Variants in FREM2 observed in about 807,000 individuals in gnomAD.
The protein encoded by FREM2 is FRAS1-related extracellular matrix protein 2.
A neutral mutation model predicts 219.9 loss-of-function variants in FREM2; 119 were observed. The ratio of observed to expected loss-of-function variants is 0.54; its 90% CI spans 0.47 to 0.63. The LOEUF is 0.63. Among genes scored for constraint, FREM2 ranks in the 30% least tolerant of loss-of-function variants. The pLI, the probability that FREM2 is intolerant of heterozygous loss-of-function variation, is 0.00. For synonymous variants in FREM2, 1,562 were observed against 1,522.8 expected, an observed-to-expected ratio of 1.03 and a Z score of -0.60; for missense variants, 4,030 against 3,993.6, an observed-to-expected ratio of 1.01 and a Z score of -0.25.
intron 2 of FREM2, among the ~76,000 whole-genome samples, chr13:38,718,059 CATATG>C (rs1399772897): frequency 6.6e-6 from 1 of 152,060 alleles, no homozygotes; most frequent in African/African-American, 2.4e-5. Flanking sequence ...TGTCTTTTTT[CATATG>C]ATATGTGTTA....
At chr13:38,729,586 CT>C (rs1334903879) in intron 2 of FREM2, among the ~76,000 whole-genome samples, 4 of 152,050 alleles carry the variant, frequency 2.6e-5, no homozygotes, top group African/African-American at 4.8e-5. Context: ...TCTCATTCAA[CT>C]TTTTTTTAAC....
intron 3 of FREM2, among the ~76,000 whole-genome samples, chr13:38,768,482 T>G (rs1873529310): frequency 6.6e-6 from 1 of 151,838 alleles, no homozygotes; most frequent in Admixed American, 6.6e-5. Context: ...TCACCATGTT[T>G]CCCAGGATGG....
Position 38,864,607 on chromosome 13 carries a change from G to A in FREM2, c.7983+1G>A, listed in dbSNP as rs1233726325. ...TGGCACCATTGGAACAGATGGACAG[G>A]TACAGATTTATAACATCTGAGTTTG... is the stretch of plus-strand genomic sequence containing the variant. On this transcript the variant is annotated splice_donor_variant, in intron 16 of 23. Transcript: ENST00000280481. LOFTEE classifies it high-confidence loss of function. 3.7e-6 allele frequency: 6 copies of A among 1,613,182 alleles called. No homozygotes were observed. The highest frequency in any genetic ancestry group is 5.1e-6 in the Non-Finnish European group (6 of 1,179,118).
chr13:38,726,471 C>G (rs948653947), intron 2 of FREM2, among the ~76,000 whole-genome samples: 1 of 151,992 alleles, frequency 6.6e-6, no homozygotes, highest in South Asian at 2.1e-4. Flanking sequence ...GCTGCAGATG[C>G]CAGAGCATCA....
intron 2 of FREM2, among the ~76,000 whole-genome samples, chr13:38,750,533 A>T (rs2442351): frequency 0.016 from 2,447 of 152,288 alleles, 58 homozygotes; most frequent in African/African-American, 0.056. Flanking sequence ...TCCATTGATG[A>T]ATACTTAAAT....
rs1391514648 is a variant in FREM2 at position 38,690,507 on chromosome 13, A to G, written c.3163A>G (p.Ile1055Val). 4 of 1,614,116 alleles carry G rather than the reference A, an allele frequency of 2.5e-6. No individual in the cohort carries two copies. The highest frequency in any genetic ancestry group is 1.3e-5 in the African/African-American group (1 of 74,954). Residue 1055 changes from isoleucine (I) to valine (V), a missense_variant, in exon 1 of 24, where the codon ATA (isoleucine) becomes GTA (valine). Around this residue, in one of 2 missense-constraint regions of FREM2, gnomAD observed 3,102 missense variants for 2,950.7 expected, o/e 1.05. Coordinates refer to ENST00000280481, the MANE Select transcript of FREM2 (RefSeq NM_207361.6). ...IGGNTIQGVT[I>V]WVTILPVDSQ... The stretch of plus-strand genomic sequence containing the variant: ...TGGCAATACTATCCAAGGAGTTACT[A>G]TATGGGTGACCATCCTGCCTGTTGA...
intron 2 of FREM2, among the ~76,000 whole-genome samples, chr13:38,700,086 A>G (rs1223619522): frequency 6.6e-6 from 1 of 152,154 alleles, no homozygotes; most frequent in Non-Finnish European, 1.5e-5. Flanking sequence ...ATTTTATAAC[A>G]GTAACTATCT....
intron 6 of FREM2, 142 bp from the exon 7 acceptor site, chr13:38,846,431 T>A: frequency 1.3e-6 from 1 of 759,872 alleles, no homozygotes; most frequent in East Asian, 2.7e-5. Context: ...ATTAAAGAGA[T>A]GTTATCTCAC....
intron 2 of FREM2, among the ~76,000 whole-genome samples, chr13:38,703,936 C>G (rs1870439135): frequency 6.6e-6 from 1 of 152,144 alleles, no homozygotes; most frequent in Non-Finnish European, 1.5e-5. Flanking sequence ...GTACCATAAT[C>G]TCAAATCAAA....
chr13:38,820,529 A>C (rs1408534945), intron 6 of FREM2, among the ~76,000 whole-genome samples: 2 of 152,150 alleles, frequency 1.3e-5, no homozygotes, highest in African/African-American at 4.8e-5. Context: ...CTTCTCAGAT[A>C]CTAGACTTCA....
chr13:38,844,109 C>G (rs9548490), intron 6 of FREM2, among the ~76,000 whole-genome samples: 1 of 152,066 alleles, frequency 6.6e-6, no homozygotes, highest in Non-Finnish European at 1.5e-5. Flanking sequence ...ATTAGCACTG[C>G]ATTAAAGTTG....
intron 4 of FREM2, among the ~76,000 whole-genome samples, chr13:38,782,222 G>A (rs1412413714): frequency 6.6e-6 from 1 of 152,196 alleles, no homozygotes; most frequent in Non-Finnish European, 1.5e-5. Context: ...GTGGGTGTGA[G>A]ACTGTCTGTG....
chr13:38,689,662 A>G lies in FREM2; in HGVS notation c.2318A>G (p.His773Arg), dbSNP rs1411884896. The change falls in exon 1 of 24, where the codon CAT (histidine) becomes CGT (arginine). Residue 773 changes from histidine to arginine, a missense_variant. By Grantham distance (29) the His-to-Arg change is conservative (BLOSUM62 0). Around this residue, in one of 2 missense-constraint regions of FREM2, gnomAD observed 3,102 missense variants for 2,950.7 expected, o/e 1.05. Transcript: ENST00000280481. ...LTDNPSVVVT[H>R]FTQAQINHHK... ...GACAACCCCTCAGTCGTGGTGACCC[A>G]TTTTACCCAAGCCCAGATCAACCAT... The G allele has an allele frequency of 3.1e-6, 5 of 1,613,828 alleles. No individual in the cohort carries two copies. In the African/African-American group the frequency reaches 6.7e-5, roughly 22 times the overall value.
intron 2 of FREM2, among the ~76,000 whole-genome samples, chr13:38,724,984 A>G (rs1871456415): frequency 6.6e-6 from 1 of 152,250 alleles, no homozygotes; most frequent in African/African-American, 2.4e-5. Flanking sequence ...GAAAAAGGAA[A>G]TATGTCCTGG....
At chr13:38,853,601 AC>A (rs1877455412) in intron 11 of FREM2, among the ~76,000 whole-genome samples, 1 of 152,214 alleles carries the variant, frequency 6.6e-6, no homozygotes, top group Admixed American at 6.5e-5. Context: ...TAGTGAGGCA[AC>A]ATAAAAAATG....
At chr13:38,795,326 AT>A (rs71074481) in intron 6 of FREM2, among the ~76,000 whole-genome samples, 70,995 of 147,522 alleles carry the variant, frequency 0.48, 18,960 homozygotes, top group Non-Finnish European at 0.62. Flanking sequence ...TTTCCAACAT[AT>A]TTTTTTTTTT....
intron 2 of FREM2, among the ~76,000 whole-genome samples, chr13:38,737,625 A>G (rs2137775620): frequency 6.6e-6 from 1 of 152,348 alleles, no homozygotes; most frequent in African/African-American, 2.4e-5. Context: ...ATCAGTGCTC[A>G]GTATGTGATA....
intron 2 of FREM2, among the ~76,000 whole-genome samples, chr13:38,745,513 T>G (rs183632616): frequency 6.6e-6 from 1 of 152,152 alleles, no homozygotes; most frequent in Non-Finnish European, 1.5e-5. Context: ...CCTAAAAACA[T>G]CAGGTTTATT....
At position 38,691,878 on chromosome 13, in the gene FREM2, A is replaced by C; in HGVS notation, c.4534A>C (p.Thr1512Pro). 1 of 1,614,110 alleles carries C rather than the reference A, an allele frequency of 6.2e-7. No homozygotes were observed. Among genetic ancestry groups the C allele is most frequent in the Non-Finnish European group, 8.5e-7 (1 of 1,180,034 alleles). The change falls in exon 1 of 24, where the codon ACC becomes CCC. Residue 1512 changes from threonine to proline, a missense_variant. This residue lies in a region of FREM2 where 3,102 missense variants were observed against 2,950.7 expected (regional missense o/e 1.05). Transcript: ENST00000280481. ...AATGGACAGTTTTGAGTTTCAAGTC[A>C]CCGATGGACGTAACCCTGTCTTTCG... is the stretch of plus-strand genomic sequence containing the variant. Reference protein sequence around the residue: ...VKMDSFEFQVTDGRNPVFRTF... With the variant: ...VKMDSFEFQVPDGRNPVFRTF...
Sources: gnomAD v4.1 joint callset for allele counts (sites outside exome capture counted in the v4.1 genomes callset) on GRCh38, gnomAD v4.1.1 for gene constraint, gnomAD v4.1.1 regional missense constraint, MANE v1.5 for transcripts, NCBI Gene and HGNC (gene_info 2026-07-23, HGNC 2026-07-21) for gene names.